Variants in POLD4 observed in about 807,000 individuals in gnomAD.
POLD4 encodes the protein DNA polymerase delta subunit 4.
A neutral mutation model predicts 16.5 loss-of-function variants in POLD4; 9 were observed. The observed-to-expected ratio is 0.55, with a 90% CI of 0.33 to 0.95. POLD4 has a LOEUF of 0.95. Among genes scored for constraint, POLD4 ranks in the 40% least tolerant of loss-of-function variants. The pLI is 0.03. For missense variants in POLD4, 129 were observed against 139.7 expected (o/e 0.92, Z 0.39); for synonymous variants, 62 against 57.6 (o/e 1.08, Z -0.35).
chr11:67,352,496 C>T (rs1861891386), intron 3 of POLD4, 195 bp downstream of exon 3: 1 of 542,982 alleles, frequency 1.8e-6, no homozygotes, highest in Non-Finnish European at 3.3e-6. Context: ...GGCAACAGAG[C>T]AAGACTCTGT....
At position 67,352,707 on chromosome 11, in the gene POLD4, G is replaced by A. The variant is rs750725004; in HGVS notation, c.283C>T (p.Pro95Ser). 8 of 1,612,684 alleles carry A rather than the reference G, an allele frequency of 5.0e-6. No individual in the cohort carries two copies. Among genetic ancestry groups the A allele is most frequent in the East Asian group, 2.2e-5 (1 of 44,844 alleles). ...GTCTCTGACCTGCACTGGAAGCGGG[G>A]GTCTCCGGGGTGGGTCTTCAGCACC... ...WQVLKTHPGD[P>S]RFQCSLWHLY... is the part of the protein sequence containing the mutation. The change falls in exon 3 of 4, where the codon CCC becomes TCC. Residue 95 changes from proline (P) to serine (S), a missense_variant. Coordinates refer to ENST00000312419, the MANE Select transcript of POLD4 (RefSeq NM_021173.5).
chr11:67,352,504 T>G (rs968005221), intron 3 of POLD4, 187 bp downstream of exon 3: 2 of 549,172 alleles, frequency 3.6e-6, no homozygotes, highest in African/African-American at 3.9e-5. Context: ...AGCAAGACTC[T>G]GTCTCAAAAA....
At chr11:67,353,570 G>A (rs1331374474), upstream of POLD4, 5 of 597,998 alleles carry the variant, frequency 8.4e-6, no homozygotes, top group East Asian at 1.5e-4. Context: ...TCCAGGGAGG[G>A]ACGCCTCCCC....
chr11:67,353,532 G>T lies in POLD4; in HGVS notation c.-133C>A. The T allele has an allele frequency of 1.4e-6, 1 of 720,144 alleles. No homozygotes were observed. The highest frequency in any genetic ancestry group is 2.2e-6 in the Non-Finnish European group (1 of 447,838). The allele number at this position is 720,144 out of a possible 1,614,324, so 44.6% of individuals were successfully genotyped here. A position where few individuals can be genotyped will look rare whatever the true frequency, so the allele number is the denominator to read the frequency against. On this transcript the variant is annotated 5_prime_UTR_variant, in exon 1 of 4. The change creates a new upstream start codon in the 5' untranslated region. Coordinates refer to ENST00000312419, the MANE Select transcript of POLD4 (RefSeq NM_021173.5). Reference sequence around the variant, plus strand: ...AGCGGCGGGCAGACAAGATGACCCAGACAAACCGAGAGAGGAAGTCGCCGG... The same window carrying T: ...AGCGGCGGGCAGACAAGATGACCCATACAAACCGAGAGAGGAAGTCGCCGG...
In POLD4 at chr11:67,353,050, T is replaced by A; in HGVS notation, c.125A>T (p.Glu42Val). 1 of 1,590,712 alleles carries A rather than the reference T, an allele frequency of 6.3e-7. No individual in the cohort carries two copies. The highest frequency in any genetic ancestry group is 1.3e-5 in the African/African-American group (1 of 74,264). ...CCTCAGCAGCTCCAGCTCCGCTTCC[T>A]CCTCGTCGCGGGGCTGGGGCTCCTC... ...LGEEPQPRDE[E>V]EAELELLRQF... The change falls in exon 2 of 4, where the codon GAG (glutamate) becomes GTG (valine). Residue 42 changes from glutamate (E) to valine (V), a missense_variant. Coordinates refer to ENST00000312419, the MANE Select transcript of POLD4 (RefSeq NM_021173.5).
At chr11:67,352,828 G>A in intron 2 of POLD4, 26 bp from the exon 3 acceptor site, 2 of 1,573,844 alleles carry the variant, frequency 1.3e-6, no homozygotes, top group Non-Finnish European at 8.7e-7. Context: ...GAAGACTCTG[G>A]AGACTTGTGG....
chr11:67,352,832 CTT>C (rs1190789121), intron 2 of POLD4, 30 bp from the exon 3 acceptor site: 1 of 1,545,182 alleles, frequency 6.5e-7, no homozygotes, highest in Admixed American at 1.8e-5. Flanking sequence ...ACTCTGGAGA[CTT>C]GTGGGGGGTG....
chr11:67,352,079 A>G (rs1012619198), intron 3 of POLD4, 60 bp from the exon 4 acceptor site: 72 of 1,348,730 alleles, frequency 5.3e-5, no homozygotes, highest in Admixed American at 2.0e-4. Flanking sequence ...GAAACAGAGA[A>G]TCAGTTGTTG....
chr11:67,353,047 T>A lies in POLD4; in HGVS notation c.128A>T (p.Glu43Val). 1 of 1,590,704 alleles carries A rather than the reference T, an allele frequency of 6.3e-7. No homozygotes were observed. The highest frequency in any genetic ancestry group is 8.6e-7 in the Non-Finnish European group (1 of 1,168,484). Reference protein sequence around the residue: ...GEEPQPRDEEEAELELLRQFD... With the variant: ...GEEPQPRDEEVAELELLRQFD... ...CTGCCTCAGCAGCTCCAGCTCCGCT[T>A]CCTCCTCGTCGCGGGGCTGGGGCTC... is the stretch of plus-strand genomic sequence containing the variant. The change falls in exon 2 of 4, where the codon GAA becomes GTA. Residue 43 changes from glutamate to valine, a missense_variant. By Grantham distance (121) the Glu-to-Val change is moderately radical. Transcript: ENST00000312419.
chr11:67,353,497 G>C lies in POLD4; in HGVS notation c.-98C>G. 1 of 1,060,562 alleles carries C rather than the reference G, an allele frequency of 9.4e-7. No individual in the cohort carries two copies. Among genetic ancestry groups the C allele is most frequent in the Non-Finnish European group, 1.4e-6 (1 of 731,256 alleles). 65.7% of individuals were successfully genotyped at this position (1,060,562 alleles called of 1,614,324 possible). Reference sequence around the variant, plus strand: ...AGACAGCTGCTGAGAGAGACAGACGGGGCCAGGCCAGCGGCGGGCAGACAA... The same window carrying C: ...AGACAGCTGCTGAGAGAGACAGACGCGGCCAGGCCAGCGGCGGGCAGACAA... On this transcript the variant is annotated 5_prime_UTR_variant, in exon 1 of 4. Coordinates refer to ENST00000312419, the MANE Select transcript of POLD4 (RefSeq NM_021173.5).
Position 67,352,736 on chromosome 11 carries a change from C to G in POLD4, c.254G>C (p.Trp85Ser). Residue 85 changes from tryptophan (W) to serine (S), a missense_variant, in exon 3 of 4, where the codon TGG becomes TCG. Coordinates refer to ENST00000312419, the MANE Select transcript of POLD4 (RefSeq NM_021173.5). ...TCCGGGGTGGGTCTTCAGCACCTGC[C>G]ACACCTCTGGGGGAGGCTCCAAGCC... ...QMGLEPPPEV[W>S]QVLKTHPGDP... 1 of 1,613,414 alleles carries G rather than the reference C, an allele frequency of 6.2e-7. No individual in the cohort carries two copies. The highest frequency in any genetic ancestry group is 8.5e-7 in the Non-Finnish European group (1 of 1,179,912).
At chr11:67,352,408 G>A (rs1207464018) in intron 3 of POLD4, 1 of 380,146 alleles carries the variant, frequency 2.6e-6, no homozygotes, top group African/African-American at 2.1e-5. Flanking sequence ...TACTTGGGAG[G>A]CTGAGACAGG....
At chr11:67,352,134 T>A in intron 3 of POLD4, 115 bp from the exon 4 acceptor site, 3 of 856,102 alleles carry the variant, frequency 3.5e-6, no homozygotes, top group African/African-American at 1.7e-5. Flanking sequence ...GCCATGCCCA[T>A]AGTCCTTGGG....
Position 67,353,456 on chromosome 11 carries a change from C to T in POLD4, c.-57G>A. On this transcript the variant is annotated 5_prime_UTR_variant, in exon 1 of 4. Coordinates refer to ENST00000312419, the MANE Select transcript of POLD4 (RefSeq NM_021173.5). The stretch of plus-strand genomic sequence containing the variant: ...AACTGCGGGGAAGAGGAGAGACCGG[C>T]CAGTGGGCGCGAGAAAGACAGCTGC... 1 of 1,472,178 alleles carries T rather than the reference C, an allele frequency of 6.8e-7. No individual in the cohort carries two copies. Among genetic ancestry groups the T allele is most frequent in the Non-Finnish European group, 9.3e-7 (1 of 1,073,038 alleles). 91.2% of individuals were successfully genotyped at this position (1,472,178 alleles called of 1,614,324 possible).
chr11:67,352,959 C>T lies in POLD4; in HGVS notation c.187+29G>A, dbSNP rs1315429755. 6 of 1,517,188 alleles carry T rather than the reference C, an allele frequency of 4.0e-6. No individual in the cohort carries two copies. The African/African-American group carries it at 5.5e-5, about 14-fold the overall frequency. 94.0% of individuals were successfully genotyped at this position (1,517,188 alleles called of 1,614,324 possible). A position where few individuals can be genotyped will look rare whatever the true frequency, so the allele number is the denominator to read the frequency against. Reference sequence around the variant, plus strand: ...CGTGTGGGTGACTGGCTGGGAGAGGCGCCTCCGTGGGGCTGGGTGGGTTCT... The same window carrying T: ...CGTGTGGGTGACTGGCTGGGAGAGGTGCCTCCGTGGGGCTGGGTGGGTTCT... On this transcript the variant is annotated intron_variant, in intron 2 of 3. Transcript: ENST00000312419.
chr11:67,352,633 T>C (rs1590905763), intron 3 of POLD4, 58 bp downstream of exon 3: 1 of 1,331,188 alleles, frequency 7.5e-7, no homozygotes. Context: ...GACAGCAGGG[T>C]GACAGTGCCT....
Position 67,352,351 on chromosome 11 carries a change from A to C in POLD4, c.300-332T>G, listed in dbSNP as rs181053445. On this transcript the variant is annotated intron_variant, in intron 3 of 3. Transcript: ENST00000312419. The stretch of plus-strand genomic sequence containing the variant: ...CGGTGAAACCCTGTCTCTACTAAAA[A>C]TAGAAAAAATTAGCCGGGCGTGTTG... 1.8e-5 allele frequency: 6 copies of C among 331,350 alleles called. No individual in the cohort carries two copies. The East Asian group carries it at 3.8e-4, about 21-fold the overall frequency. The allele number at this position is 331,350 out of a possible 1,614,324, so 20.5% of individuals were successfully genotyped here.
rs1236933239 is a variant in POLD4 at position 67,352,671 on chromosome 11, C to T, written c.299+20G>A. 6.3e-7 allele frequency: 1 copy of T among 1,599,868 alleles called. No individual in the cohort carries two copies. The highest frequency in any genetic ancestry group is 8.6e-7 in the Non-Finnish European group (1 of 1,169,244). ...AGAAGGCCCTGGCTCCCCTGAAAGC[C>T]CTCCCGGCCTGTCTCTGACCTGCAC... is the stretch of plus-strand genomic sequence containing the variant. On this transcript the variant is annotated intron_variant, in intron 3 of 3. Coordinates refer to ENST00000312419, the MANE Select transcript of POLD4 (RefSeq NM_021173.5).
rs145414845 is a variant in POLD4, at chr11:67,352,901, A to G, written c.187+87T>C. 268 of 1,384,628 alleles carry G rather than the reference A, an allele frequency of 1.9e-4. 1 individual carries two copies. In the African/African-American group the frequency reaches 3.1e-3, roughly 16 times the overall value. The allele number at this position is 1,384,628 out of a possible 1,614,324, so 85.8% of individuals were successfully genotyped here. On this transcript the variant is annotated intron_variant, in intron 2 of 3. Transcript: ENST00000312419. ...TGGGGGGAGACAGTTCCTGAGGGTCAGAGTCACGCAAGCGCTTGGGTGACT... is the reference window on the plus strand; with the variant it reads ...TGGGGGGAGACAGTTCCTGAGGGTCGGAGTCACGCAAGCGCTTGGGTGACT...
Sources: allele counts gnomAD v4.1 joint callset, GRCh38; gene constraint gnomAD v4.1.1; transcripts MANE v1.5; gene names NCBI Gene and HGNC (gene_info 2026-07-23, HGNC 2026-07-21).